TTC28: variants seen among roughly 807,000 people sequenced by gnomAD.
TTC28 encodes the protein tetratricopeptide repeat domain 28.
In TTC28, 61 loss-of-function variants were observed where a neutral mutation model predicts 198.0. That is an observed-to-expected ratio of 0.31 (90% CI 0.25 to 0.38). The LOEUF is 0.38. Ranked by LOEUF, TTC28 falls within the 10% of genes least tolerant of loss-of-function variation. TTC28 has a pLI of 1.00. For missense variants in TTC28, 2,678 were observed against 3,164.0 expected (o/e 0.85, Z 3.69); for synonymous variants, 1,171 against 1,297.8 (o/e 0.90, Z 2.10).
At chr22:28,451,027 C>A (rs938787189) in intron 2 of TTC28, among the ~76,000 whole-genome samples, 7 of 152,170 alleles carry the variant, frequency 4.6e-5, no homozygotes, top group African/African-American at 9.7e-5. Context: ...GTAGCTAGAA[C>A]ATTCAGAGTA....
At chr22:28,662,528 A>G (rs1315770351) in intron 1 of TTC28, among the ~76,000 whole-genome samples, 1 of 152,226 alleles carries the variant, frequency 6.6e-6, no homozygotes, top group Non-Finnish European at 1.5e-5. Context: ...GAATTAAATT[A>G]GTTAATATAT....
intron 9 of TTC28, among the ~76,000 whole-genome samples, chr22:28,100,326 TATAAAGAGG>T (rs1300066519): frequency 6.6e-6 from 1 of 152,230 alleles, no homozygotes; most frequent in African/African-American, 2.4e-5. Context: ...TCTTCCTCTC[TATAAAGAGG>T]ATAGTTTCTA....
At chr22:28,361,850 ATG>A (rs1176382564) in intron 2 of TTC28, among the ~76,000 whole-genome samples, 1 of 152,226 alleles carries the variant, frequency 6.6e-6, no homozygotes, top group Non-Finnish European at 1.5e-5. Context: ...TTTAAGAATT[ATG>A]CTGAATCTAC....
intron 2 of TTC28, among the ~76,000 whole-genome samples, chr22:28,502,183 A>G (rs1450239373): frequency 6.6e-6 from 1 of 152,198 alleles, no homozygotes; most frequent in Non-Finnish European, 1.5e-5. Context: ...TGTTTCTACA[A>G]TGAAGTACCA....
At chr22:28,321,527 C>T (rs1406651637) in intron 2 of TTC28, among the ~76,000 whole-genome samples, 1 of 152,112 alleles carries the variant, frequency 6.6e-6, no homozygotes, top group Non-Finnish European at 1.5e-5. Context: ...GAGAATATGA[C>T]AGTAGACTTG....
chr22:28,641,817 A>G (rs1179630889), intron 1 of TTC28, among the ~76,000 whole-genome samples: 2 of 152,226 alleles, frequency 1.3e-5, no homozygotes, highest in Non-Finnish European at 2.9e-5. Context: ...AAGAGTAAAT[A>G]TATGAGTAAA....
At position 27,982,346 on chromosome 22, in the gene TTC28, G is replaced by A. The variant is rs983865293; in HGVS notation, c.7321C>T (p.Leu2441=). The change falls in exon 23 of 23, where the codon CTG becomes TTG. Residue 2441 remains leucine, a synonymous_variant. Coordinates refer to ENST00000397906, the MANE Select transcript of TTC28 (RefSeq NM_001145418.2). The surrounding 1 kb of genome is among the most constrained non-coding windows in gnomAD (Gnocchi z 5.2). ...NGHWRTETTS[L]GSLPLPAGPP... is the part of the protein sequence containing the mutation. ...CCGGCGGGCAGCGGCAGTGAGCCCA[G>A]CGAGGTGGTCTCGGTGCGCCAGTGT... The A allele has an allele frequency of 6.5e-7, 1 of 1,545,668 alleles. No homozygotes were observed. Among genetic ancestry groups the A allele is most frequent in the South Asian group, 1.2e-5 (1 of 83,284 alleles).
intron 2 of TTC28, among the ~76,000 whole-genome samples, chr22:28,543,119 G>C (rs2049453471): frequency 6.6e-6 from 1 of 152,196 alleles, no homozygotes; most frequent in South Asian, 2.1e-4. Context: ...AGGACTGCTT[G>C]AGTCCACGAG....
intron 2 of TTC28, among the ~76,000 whole-genome samples, chr22:28,537,121 G>A (rs57188662): frequency 0.023 from 3,475 of 150,902 alleles, 96 homozygotes; most frequent in African/African-American, 0.059. Flanking sequence ...GTGAAACCCC[G>A]TCTCTATTAA....
intron 5 of TTC28, among the ~76,000 whole-genome samples, chr22:28,280,208 C>T (rs997696584): frequency 2.0e-5 from 3 of 151,738 alleles, no homozygotes; most frequent in Non-Finnish European, 2.9e-5. Flanking sequence ...CCAACAACAA[C>T]GTATAAGAAT....
At chr22:28,491,292 C>A (rs991428156) in intron 2 of TTC28, among the ~76,000 whole-genome samples, 5 of 152,088 alleles carry the variant, frequency 3.3e-5, no homozygotes, top group Admixed American at 6.5e-5. Flanking sequence ...TTCTGCACAG[C>A]AAAAGAAACC....
intron 2 of TTC28, among the ~76,000 whole-genome samples, chr22:28,403,875 C>T (rs979745802): frequency 1.3e-5 from 2 of 152,088 alleles, no homozygotes; most frequent in Non-Finnish European, 2.9e-5. Context: ...GCTATTTACA[C>T]CATAGGGCTA....
chr22:28,353,819 T>C (rs943430375), intron 2 of TTC28, among the ~76,000 whole-genome samples: 2 of 152,192 alleles, frequency 1.3e-5, no homozygotes, highest in Non-Finnish European at 2.9e-5. Flanking sequence ...AGAACTCCTA[T>C]AATTCAACAA....
intron 6 of TTC28, among the ~76,000 whole-genome samples, chr22:28,149,839 G>A (rs135647): frequency 0.018 from 2,781 of 152,250 alleles, 28 homozygotes; most frequent in Non-Finnish European, 0.026. Flanking sequence ...TGCACAGCAT[G>A]GTGACTGTAG....
At chr22:28,387,769 G>A (rs1450927945) in intron 2 of TTC28, among the ~76,000 whole-genome samples, 2 of 152,048 alleles carry the variant, frequency 1.3e-5, no homozygotes, top group Non-Finnish European at 2.9e-5. Flanking sequence ...AGTAGGTTGC[G>A]AAAATTTTCT....
intron 1 of TTC28, among the ~76,000 whole-genome samples, chr22:28,672,104 G>A (rs1373831512): frequency 2.0e-5 from 3 of 151,940 alleles, no homozygotes; most frequent in East Asian, 3.9e-4. Flanking sequence ...TCAGCTCACT[G>A]CAACATCCGC....
chr22:28,582,835 G>A (rs138126809), intron 2 of TTC28, among the ~76,000 whole-genome samples: 144 of 152,212 alleles, frequency 9.5e-4, no homozygotes, highest in African/African-American at 3.4e-3. Context: ...CATTTTACTT[G>A]TGATTCATAA....
chr22:28,526,579 A>G (rs1255869482), intron 2 of TTC28, among the ~76,000 whole-genome samples: 1 of 152,156 alleles, frequency 6.6e-6, no homozygotes, highest in Non-Finnish European at 1.5e-5. Context: ...GAACGCCCAC[A>G]GTCTTACAGG....
At position 28,213,918 on chromosome 22, in the gene TTC28, G is replaced by A. The variant is rs1329758585; in HGVS notation, c.934-50319C>T. 2.0e-5 allele frequency among the ~76,000 whole-genome samples: 3 copies of A among 152,126 alleles called. No individual in the cohort carries two copies. The East Asian group carries it at 5.8e-4, about 29-fold the overall frequency. On this transcript the variant is annotated intron_variant, in intron 5 of 22. Transcript: ENST00000397906. ...CAGTAATCAAAACAGCACGATACTG[G>A]TACCAAAACAGAGATATAGACCAAT...
Sources: allele counts gnomAD v4.1 joint callset (sites outside exome capture counted in the v4.1 genomes callset), GRCh38; gene constraint gnomAD v4.1.1; non-coding constraint Gnocchi (gnomAD v3.1); transcripts MANE v1.5; gene names NCBI Gene and HGNC (gene_info 2026-07-23, HGNC 2026-07-21).